Variants in XNDC1N observed in about 807,000 individuals in gnomAD.
XNDC1N encodes protein XNDC1N.
the XNDC1N span, among the ~76,000 whole-genome samples, chr11:71,871,779 A>G: frequency 6.6e-6 from 1 of 152,242 alleles, no homozygotes; most frequent in Non-Finnish European, 1.5e-5. Flanking sequence ...ATCATTAGTC[A>G]TTAGTGAAAT....
chr11:71,903,729 G>C, the XNDC1N span: 3 of 374,398 alleles, frequency 8.0e-6, no homozygotes, highest in African/African-American at 2.2e-5. Context: ...CTTCAAGGAT[G>C]TGGAAATTCC....
the XNDC1N span, among the ~76,000 whole-genome samples, chr11:71,899,047 T>C: frequency 7.2e-5 from 11 of 152,322 alleles, no homozygotes; most frequent in African/African-American, 9.6e-5. Flanking sequence ...AAATCTTCTA[T>C]GGACACTCAC....
At chr11:71,877,703 C>A in the XNDC1N span, among the ~76,000 whole-genome samples, 1 of 152,146 alleles carries the variant, frequency 6.6e-6, no homozygotes, top group African/African-American at 2.4e-5. Context: ...CTACGGCACC[C>A]AAAGTATTCT....
At chr11:71,917,897 T>C in the XNDC1N span, 1 of 620,196 alleles carries the variant, frequency 1.6e-6, no homozygotes, top group Non-Finnish European at 2.9e-6. Flanking sequence ...GGTTCAGCGA[T>C]ATGTGGAGTC....
chr11:71,924,967 G>A, the XNDC1N span, among the ~76,000 whole-genome samples: 2 of 151,826 alleles, frequency 1.3e-5, no homozygotes, highest in Non-Finnish European at 2.9e-5. Context: ...TATACTCCTG[G>A]CCATAATGGT....
chr11:71,920,556 C>CGGCCTCCCAAAGTGCTGG, the XNDC1N span, among the ~76,000 whole-genome samples: 3 of 151,918 alleles, frequency 2.0e-5, no homozygotes, highest in African/African-American at 7.3e-5. Flanking sequence ...CTGCCCACCT[C>CGGCCTCCCAAAGTGCTGG]GGCCTCCCAA....
chr11:71,870,151 T>C, the XNDC1N span, among the ~76,000 whole-genome samples: 1 of 152,186 alleles, frequency 6.6e-6, no homozygotes, highest in Non-Finnish European at 1.5e-5. Flanking sequence ...TTAAGTTATC[T>C]CCTTCTGGTC....
the XNDC1N span, among the ~76,000 whole-genome samples, chr11:71,881,791 T>C: frequency 6.6e-6 from 1 of 152,058 alleles, no homozygotes; most frequent in African/African-American, 2.4e-5. Context: ...TTAAAGAATT[T>C]TAAATAGCAA....
chr11:71,889,077 A>G, the XNDC1N span, among the ~76,000 whole-genome samples: 25,841 of 152,110 alleles, frequency 0.17, 4,965 homozygotes, highest in African/African-American at 0.47. Flanking sequence ...AAGCCACATC[A>G]TTGCCCCAGG....
chr11:71,867,390 A>G, the XNDC1N span, among the ~76,000 whole-genome samples: 4 of 152,202 alleles, frequency 2.6e-5, no homozygotes, highest in African/African-American at 4.8e-5. Context: ...AGAGCCCAAG[A>G]CCAAGGAAAA....
chr11:71,887,045 G>C, the XNDC1N span, among the ~76,000 whole-genome samples: 2 of 152,158 alleles, frequency 1.3e-5, no homozygotes, highest in African/African-American at 4.8e-5. Context: ...AAGGAGGAAG[G>C]GGCCCTGCTC....
chr11:71,909,378 C>T, the XNDC1N span, among the ~76,000 whole-genome samples: 2 of 151,924 alleles, frequency 1.3e-5, no homozygotes, highest in Admixed American at 1.3e-4. Context: ...CTCAGCTTGG[C>T]TGTCAGAGTT....
At chr11:71,923,397 C>T in the XNDC1N span, 3 of 701,694 alleles carry the variant, frequency 4.3e-6, no homozygotes, top group African/African-American at 5.3e-5. Context: ...AAAATGCTTC[C>T]TCTCAAGATT....
chr11:71,908,353 T>C, the XNDC1N span, among the ~76,000 whole-genome samples: 32 of 151,844 alleles, frequency 2.1e-4, no homozygotes, highest in Non-Finnish European at 3.8e-4. Context: ...TTGTTATCTT[T>C]AGTATAAGTA....
chr11:71,908,458 T>G, the XNDC1N span, among the ~76,000 whole-genome samples: 4 of 152,120 alleles, frequency 2.6e-5, no homozygotes, highest in Middle Eastern at 3.4e-3. Context: ...TAATTGAGAT[T>G]ATTAATTGCA....
At chr11:71,909,978 T>A in the XNDC1N span, among the ~76,000 whole-genome samples, 1 of 152,258 alleles carries the variant, frequency 6.6e-6, no homozygotes, top group Non-Finnish European at 1.5e-5. Flanking sequence ...CAGCTCTGGC[T>A]AAGCGGTGGC....
the XNDC1N span, among the ~76,000 whole-genome samples, chr11:71,911,681 A>G: frequency 6.6e-6 from 1 of 152,190 alleles, no homozygotes; most frequent in Admixed American, 6.5e-5. Flanking sequence ...TGATAGAAAG[A>G]AAAGGGCCTA....
At chr11:71,886,069 G>C in the XNDC1N span, among the ~76,000 whole-genome samples, 1 of 152,066 alleles carries the variant, frequency 6.6e-6, no homozygotes, top group Admixed American at 6.5e-5. Context: ...GACCCAAAAG[G>C]GGACACAAAT....
At chr11:71,894,502 T>C in the XNDC1N span, 1 of 158,658 alleles carries the variant, frequency 6.3e-6, no homozygotes, top group African/African-American at 2.4e-5. Context: ...TTTTGTGGCT[T>C]GATGGCTTTT....
Sources: gnomAD v4.1 joint callset for allele counts (sites outside exome capture counted in the v4.1 genomes callset) on GRCh38, gnomAD v4.1.1 for gene constraint, MANE v1.5 for transcripts, NCBI Gene and HGNC (gene_info 2026-07-23, HGNC 2026-07-21) for gene names.